The following ODAD2 variants were observed in gnomAD, a reference collection of about 807,000 sequenced individuals.
The protein encoded by ODAD2 is outer dynein arm-docking complex subunit 2.
Under a neutral mutation model 106.8 loss-of-function variants are expected in ODAD2, and 89 were observed. That is an observed-to-expected ratio of 0.83 (90% CI 0.70 to 0.99). ODAD2 has a LOEUF of 0.99. ODAD2 is among the 50% of genes least tolerant of loss of function. ODAD2 has a pLI of 0.00. For missense variants in ODAD2, 1,168 were observed against 1,238.5 expected (o/e 0.94, Z 0.85); for synonymous variants, 404 against 436.2 (o/e 0.93, Z 0.92).
At chr10:27,831,810 T>C (rs1837499029) in intron 19 of ODAD2, among the ~76,000 whole-genome samples, 1 of 152,248 alleles carries the variant, frequency 6.6e-6, no homozygotes, top group African/African-American at 2.4e-5. Context: ...ATGTTTGCAG[T>C]TGTTCTACTC....
intron 19 of ODAD2, among the ~76,000 whole-genome samples, chr10:27,835,394 G>A (rs1837795405): frequency 6.6e-6 from 1 of 152,206 alleles, no homozygotes; most frequent in Admixed American, 6.5e-5. Context: ...GCCTGAACTT[G>A]ACAATTCTAC....
chr10:27,971,798 T>G (rs1262136375), intron 7 of ODAD2, among the ~76,000 whole-genome samples: 1 of 152,006 alleles, frequency 6.6e-6, no homozygotes, highest in Non-Finnish European at 1.5e-5. Context: ...AAAAACCATG[T>G]CAACCCAAAA....
intron 10 of ODAD2, among the ~76,000 whole-genome samples, chr10:27,953,511 GCAGTAACAAAAACTGATTT>G (rs1275104434): frequency 6.6e-6 from 1 of 152,082 alleles, no homozygotes; most frequent in African/African-American, 2.4e-5. Context: ...AGTATTGTTT[GCAGTAACAAAAACTGATTT>G]CAGGGACAAC....
chr10:27,972,131 A>G (rs1360082887), intron 7 of ODAD2, among the ~76,000 whole-genome samples: 4 of 152,218 alleles, frequency 2.6e-5, no homozygotes, highest in African/African-American at 9.6e-5. Context: ...GTGTGACAAC[A>G]ATAACACAAA....
At chr10:27,954,381 TTAGATA>T (rs1308540329) in intron 10 of ODAD2, among the ~76,000 whole-genome samples, 1 of 152,238 alleles carries the variant, frequency 6.6e-6, no homozygotes, top group African/African-American at 2.4e-5. Context: ...TAAAGCTGCC[TTAGATA>T]TCACAGTTCA....
intron 17 of ODAD2, among the ~76,000 whole-genome samples, chr10:27,871,434 C>T (rs1455322991): frequency 6.6e-6 from 1 of 152,146 alleles, no homozygotes. Flanking sequence ...CTTGCCCATG[C>T]CTATGTCCTG....
At chr10:27,952,463 T>C (rs1267491876) in intron 10 of ODAD2, among the ~76,000 whole-genome samples, 1 of 152,128 alleles carries the variant, frequency 6.6e-6, no homozygotes, top group Non-Finnish European at 1.5e-5. Context: ...TAGGTAAACG[T>C]GTGCCATGTG....
In ODAD2 at chr10:27,848,266, T is replaced by C. The variant is rs181694818; in HGVS notation, c.3021+12359A>G. Among the ~76,000 whole-genome samples, 12 of 152,188 alleles carry C rather than the reference T, an allele frequency of 7.9e-5. No individual in the cohort carries two copies. In the East Asian group the frequency reaches 2.1e-3, roughly 27 times the overall value. ...AGAACAGAGCCCTCAGAAATAATAC[T>C]ACACATCTACAACCATCTGATCTTT... On this transcript the variant is annotated intron_variant, in intron 19 of 19. Coordinates refer to ENST00000305242, the MANE Select transcript of ODAD2 (RefSeq NM_018076.5).
rs71388934 is a variant in ODAD2, at chr10:27,824,138, C to CAAAAA, written c.3022-11518_3022-11514dup. 6.9e-4 allele frequency among the ~76,000 whole-genome samples: 23 copies of CAAAAA among 33,130 alleles called. 2 individuals carry two copies. Among genetic ancestry groups the CAAAAA allele is most frequent in the Non-Finnish European group, 1.1e-3 (21 of 19,622 alleles). The allele number at this position is 33,130 out of a possible 152,430, so 21.7% of individuals were successfully genotyped here. A position where few individuals can be genotyped will look rare whatever the true frequency, so the allele number is the denominator to read the frequency against. Reference sequence around the variant, plus strand: ...CCTGGGCGACAGCGAGACTCCGTCTCAAAAAAAAAAAAAAAAAAAAAAAAA... The same window carrying CAAAAA: ...CCTGGGCGACAGCGAGACTCCGTCTCAAAAAAAAAAAAAAAAAAAAAAAAAAAAAA... On this transcript the variant is annotated intron_variant, in intron 19 of 19. Coordinates refer to ENST00000305242, the MANE Select transcript of ODAD2 (RefSeq NM_018076.5).
chr10:27,879,865 C>T (rs1841585728), intron 17 of ODAD2, among the ~76,000 whole-genome samples: 2 of 152,180 alleles, frequency 1.3e-5, no homozygotes, highest in South Asian at 4.1e-4. Flanking sequence ...TCTGGTCTCC[C>T]TCATCCTTTC....
rs193281300 is a variant in ODAD2, at chr10:27,878,619, T to A, written c.2611-15997A>T. Among the ~76,000 whole-genome samples the A allele has an allele frequency of 8.1e-4, 123 of 152,246 alleles. 1 individual carries two copies. In the South Asian group the frequency reaches 9.5e-3, roughly 12 times the overall value. On this transcript the variant is annotated intron_variant, in intron 17 of 19. Transcript: ENST00000305242. ...TGCATAATATAGTATTTGAAAAAGA[T>A]TTTAAAATAGCACATCACATACAAA...
chr10:27,857,085 CT>C, intron 19 of ODAD2, among the ~76,000 whole-genome samples: 1 of 152,066 alleles, frequency 6.6e-6, no homozygotes, highest in Admixed American at 6.6e-5. Flanking sequence ...AAAGTTTAAA[CT>C]GCACGAGTCC....
intron 19 of ODAD2, among the ~76,000 whole-genome samples, chr10:27,840,428 C>T (rs930959409): frequency 6.6e-6 from 1 of 152,190 alleles, no homozygotes; most frequent in African/African-American, 2.4e-5. Flanking sequence ...ACATCATGAA[C>T]GCCCTTGACT....
chr10:27,915,907 T>C (rs1844335280), intron 16 of ODAD2, among the ~76,000 whole-genome samples: 2 of 152,148 alleles, frequency 1.3e-5, no homozygotes, highest in African/African-American at 2.4e-5. Context: ...TGTTCATATA[T>C]ATGGCCTCAA....
chr10:27,886,828 A>T (rs560344848), intron 17 of ODAD2, among the ~76,000 whole-genome samples: 1 of 152,144 alleles, frequency 6.6e-6, no homozygotes, highest in South Asian at 2.1e-4. Flanking sequence ...ATAACTTTAG[A>T]ATGGTAGATG....
At chr10:27,934,490 T>C (rs185880126) in intron 16 of ODAD2, among the ~76,000 whole-genome samples, 13 of 151,180 alleles carry the variant, frequency 8.6e-5, no homozygotes, top group African/African-American at 2.9e-4. Context: ...TATCTCTCTA[T>C]ATGTATATTG....
intron 17 of ODAD2, among the ~76,000 whole-genome samples, chr10:27,883,939 T>C (rs1035499848): frequency 2.0e-5 from 3 of 150,512 alleles, no homozygotes; most frequent in African/African-American, 4.9e-5. Context: ...GGGGACATCA[T>C]CAAGTATGCC....
At chr10:27,961,442 AAAC>A (rs1848134278) in intron 10 of ODAD2, 123 bp downstream of exon 10, 1 of 979,380 alleles carries the variant, frequency 1.0e-6, no homozygotes, top group African/African-American at 1.6e-5. Flanking sequence ...AACTTAGATA[AAAC>A]AACAGGAATG....
Position 27,812,542 on chromosome 10 carries a change from AG to A in ODAD2, c.3104del (p.Ala1035ValfsTer13). 1 of 1,613,356 alleles carries A rather than the reference AG, an allele frequency of 6.2e-7. No individual in the cohort carries two copies. The highest frequency in any genetic ancestry group is 8.5e-7 in the Non-Finnish European group (1 of 1,179,836). The part of the protein sequence containing the change: ...AGCISNIRRL[A>X]LATEKARYT ...TGTATCTTGCCTTCTCTGTAGCAAG[AG>A]CCAGCCTGCGGATATTGGATATACA... On this transcript the variant is annotated frameshift_variant, in exon 20 of 20. Coordinates refer to ENST00000305242, the MANE Select transcript of ODAD2 (RefSeq NM_018076.5). LOFTEE classifies it high-confidence loss of function.
Sources: allele counts gnomAD v4.1 joint callset (sites outside exome capture counted in the v4.1 genomes callset), GRCh38; gene constraint gnomAD v4.1.1; transcripts MANE v1.5; gene names NCBI Gene and HGNC (gene_info 2026-07-23, HGNC 2026-07-21).